Variants in GPHN observed in about 807,000 individuals in gnomAD.
GPHN encodes gephyrin.
Under a neutral mutation model 95.5 loss-of-function variants are expected in GPHN, and 17 were observed. The ratio of observed to expected loss-of-function variants is 0.18; its 90% CI spans 0.12 to 0.27. GPHN has a LOEUF of 0.27. Ranked by LOEUF, GPHN falls within the 10% of genes least tolerant of loss-of-function variation. The probability of loss-of-function intolerance (pLI) is 1.00; values close to 1 mark genes in which losing one functional copy is unlikely to be tolerated. For synonymous variants in GPHN, 320 were observed against 322.5 expected (o/e 0.99, Z 0.08); for missense variants, 660 against 978.1 (o/e 0.67, Z 4.34).
At chr14:66,971,005 G>GT (rs1267585512) in intron 9 of GPHN, among the ~76,000 whole-genome samples, 1 of 152,120 alleles carries the variant, frequency 6.6e-6, no homozygotes, top group Non-Finnish European at 1.5e-5. Flanking sequence ...AATTACTTCT[G>GT]TTTATGTGGG....
At chr14:66,640,083 A>G (rs551625426) in intron 1 of GPHN, among the ~76,000 whole-genome samples, 1 of 152,280 alleles carries the variant, frequency 6.6e-6, no homozygotes, top group African/African-American at 2.4e-5. Context: ...TCTTTTGTTC[A>G]TTCCTGAATT....
intron 2 of GPHN, among the ~76,000 whole-genome samples, chr14:66,731,637 T>C (rs558663793): frequency 1.3e-5 from 2 of 152,280 alleles, no homozygotes; most frequent in Non-Finnish European, 2.9e-5. Context: ...GACAATGTGA[T>C]AGAAAAGAAA....
the GPHN span, among the ~76,000 whole-genome samples, chr14:67,400,770 T>C: frequency 6.6e-6 from 1 of 151,994 alleles, no homozygotes; most frequent in Non-Finnish European, 1.5e-5. Flanking sequence ...GGAGGATCAC[T>C]TGAGACCAGG....
the GPHN span, among the ~76,000 whole-genome samples, chr14:67,209,819 GAAAA>G: frequency 6.5e-5 from 5 of 76,924 alleles, no homozygotes; most frequent in African/African-American, 2.5e-4. Context: ...CTCCATCTCG[GAAAA>G]AAAAAAAAAA....
At chr14:67,098,878 A>G (rs946423624) in intron 12 of GPHN, among the ~76,000 whole-genome samples, 1 of 152,186 alleles carries the variant, frequency 6.6e-6, no homozygotes, top group African/African-American at 2.4e-5. Context: ...TATAGGAGGT[A>G]GCAAGCTGAT....
chr14:67,716,626 G>C, the GPHN span, among the ~76,000 whole-genome samples: 1 of 152,148 alleles, frequency 6.6e-6, no homozygotes, highest in Non-Finnish European at 1.5e-5. Flanking sequence ...GCTCACACTT[G>C]TAATCTCAGC....
the GPHN span, among the ~76,000 whole-genome samples, chr14:67,219,629 C>G: frequency 2.4e-4 from 36 of 152,242 alleles, no homozygotes; most frequent in Middle Eastern, 3.4e-3. Context: ...GGTACTGTTT[C>G]ATTAGTCTCA....
At chr14:67,053,172 T>G (rs1436881142) in intron 10 of GPHN, among the ~76,000 whole-genome samples, 4 of 107,254 alleles carry the variant, frequency 3.7e-5, no homozygotes, top group African/African-American at 2.0e-4. Context: ...TAGGAGCTGG[T>G]TTGTTTTTTT....
the GPHN span, chr14:67,653,630 A>G: frequency 1.4e-6 from 1 of 726,846 alleles, no homozygotes; most frequent in Non-Finnish European, 2.3e-6. Context: ...AATTTAAATG[A>G]TGGCCTTTGA....
chr14:67,043,247 G>A (rs2074812583), intron 10 of GPHN, among the ~76,000 whole-genome samples: 1 of 152,054 alleles, frequency 6.6e-6, no homozygotes, highest in South Asian at 2.1e-4. Flanking sequence ...GATTGCCCTG[G>A]CCAGAACGTC....
chr14:67,407,294 TG>T, the GPHN span, among the ~76,000 whole-genome samples: 1 of 152,004 alleles, frequency 6.6e-6, no homozygotes, highest in Non-Finnish European at 1.5e-5. Context: ...GCTAATTTTT[TG>T]TATTTTTAGT....
At chr14:67,639,910 G>C in the GPHN span, among the ~76,000 whole-genome samples, 1 of 122,824 alleles carries the variant, frequency 8.1e-6, no homozygotes, top group Admixed American at 1.1e-4. Context: ...GCATGATAGC[G>C]CAAGACCCTG....
At chr14:66,816,645 G>A (rs2060979643) in intron 3 of GPHN, among the ~76,000 whole-genome samples, 1 of 152,132 alleles carries the variant, frequency 6.6e-6, no homozygotes, top group African/African-American at 2.4e-5. Context: ...CTGGGACACA[G>A]ATAAGGCAGT....
chr14:67,582,262 T>C, the GPHN span: 3 of 1,611,724 alleles, frequency 1.9e-6, no homozygotes, highest in African/African-American at 4.0e-5. The surrounding 1 kb of genome is among the most constrained non-coding windows in gnomAD (Gnocchi z 5.0). Context: ...TTAGAATGAA[T>C]GCACCATGCA....
chr14:67,713,855 A>G, the GPHN span, among the ~76,000 whole-genome samples: 2 of 152,174 alleles, frequency 1.3e-5, no homozygotes, highest in African/African-American at 2.4e-5. Context: ...AACTCGAAGC[A>G]GGGAGGGGGC....
chr14:66,776,330 GT>G, intron 2 of GPHN, 133 bp from the exon 3 acceptor site: 1 of 711,414 alleles, frequency 1.4e-6, no homozygotes, highest in Non-Finnish European at 2.6e-6. Context: ...GCACAAAATG[GT>G]TGTTTTTCCT....
intron 12 of GPHN, among the ~76,000 whole-genome samples, chr14:67,100,443 A>G (rs1188930786): frequency 6.6e-6 from 1 of 152,252 alleles, no homozygotes; most frequent in Non-Finnish European, 1.5e-5. Context: ...AAATAGTGAT[A>G]AATCCATTTA....
the GPHN span, among the ~76,000 whole-genome samples, chr14:67,565,678 T>C: frequency 2.6e-5 from 4 of 152,132 alleles, no homozygotes; most frequent in Non-Finnish European, 5.9e-5. Flanking sequence ...TGTGTAGCAG[T>C]ACCATGGGGG....
At chr14:66,708,938 C>A (rs752821295) in intron 2 of GPHN, among the ~76,000 whole-genome samples, 9 of 151,966 alleles carry the variant, frequency 5.9e-5, no homozygotes, top group Admixed American at 5.9e-4. Context: ...ATGTGAAGAA[C>A]TCTTAATAGT....
Sources: gnomAD v4.1 joint callset for allele counts (sites outside exome capture counted in the v4.1 genomes callset) on GRCh38, gnomAD v4.1.1 for gene constraint, Gnocchi (gnomAD v3.1) non-coding constraint, MANE v1.5 for transcripts, NCBI Gene and HGNC (gene_info 2026-07-23, HGNC 2026-07-21) for gene names.